MKRN2OS: variants seen among roughly 807,000 people sequenced by gnomAD.
The protein encoded by MKRN2OS is MKRN2 opposite strand protein.
In MKRN2OS, 17 loss-of-function variants were observed where a neutral mutation model predicts 18.2. That is an observed-to-expected ratio of 0.93 (90% CI 0.64 to 1.40). MKRN2OS has a LOEUF of 1.40. Among genes scored for constraint, MKRN2OS ranks in the 40% most tolerant of loss-of-function variants. The pLI is 0.00. For missense variants in MKRN2OS, 337 were observed against 283.0 expected (o/e 1.19, Z -1.37); for synonymous variants, 121 against 108.5 (o/e 1.12, Z -0.72).
Position 12,545,428 on chromosome 3 carries a change from A to G in MKRN2OS, c.37T>C (p.Phe13Leu). ...TAGATGTATTTCTCACAGTGGTTGAATTTAATTAAAGCCTTCCCAGCCTCT... is the reference window on the plus strand; with the variant it reads ...TAGATGTATTTCTCACAGTGGTTGAGTTTAATTAAAGCCTTCCCAGCCTCT... The part of the protein sequence containing the change: ...CAEAGKALIK[F>L]NHCEKYIYSF... Residue 13 changes from phenylalanine (F) to leucine (L), a missense_variant, in exon 1 of 4, where the codon TTC becomes CTC. Transcript: ENST00000564146. The G allele has an allele frequency of 6.5e-7, 1 of 1,534,922 alleles. No individual in the cohort carries two copies. Among genetic ancestry groups the G allele is most frequent in the Non-Finnish European group, 8.7e-7 (1 of 1,146,488 alleles).
downstream of MKRN2OS, chr3:12,553,688 A>G (rs984938553): frequency 6.6e-6 from 1 of 152,216 alleles, no homozygotes; most frequent in Admixed American, 6.5e-5. Context: ...TAAGGCAAGG[A>G]AAAGAAATAA....
chr3:12,543,148 AG>A (rs1559380616), intron 2 of MKRN2OS, 31 bp downstream of exon 2: 7 of 1,514,940 alleles, frequency 4.6e-6, no homozygotes, highest in Admixed American at 2.0e-5. Context: ...GCTGGGTAGT[AG>A]GGGTTTTTTA....
At chr3:12,550,026 A>G (rs1289257825), upstream of MKRN2OS, among the ~76,000 whole-genome samples, 1 of 152,196 alleles carries the variant, frequency 6.6e-6, no homozygotes, top group Admixed American at 6.5e-5. Flanking sequence ...TTTGGAAAAT[A>G]GTCTGCCAGT....
At position 12,542,030 on chromosome 3, in the gene MKRN2OS, T is replaced by G; in HGVS notation, c.269-8A>C. On this transcript the variant is annotated splice_region_variant and splice_polypyrimidine_tract_variant and intron_variant, in intron 2 of 3. Coordinates refer to ENST00000564146, the MANE Select transcript of MKRN2OS (RefSeq NM_001195279.2). ...TGTAATTATACACAACCCCTGCAAATCAAAACCAAAGTCATGTGGAGCCCC... is the reference window on the plus strand; with the variant it reads ...TGTAATTATACACAACCCCTGCAAAGCAAAACCAAAGTCATGTGGAGCCCC... 1 of 1,530,500 alleles carries G rather than the reference T, an allele frequency of 6.5e-7. No homozygotes were observed. The highest frequency in any genetic ancestry group is 8.7e-7 in the Non-Finnish European group (1 of 1,143,110). 94.8% of individuals were successfully genotyped at this position (1,530,500 alleles called of 1,614,324 possible).
downstream of MKRN2OS, among the ~76,000 whole-genome samples, chr3:12,553,586 A>C (rs2057944662): frequency 6.6e-6 from 1 of 152,088 alleles, no homozygotes; most frequent in Non-Finnish European, 1.5e-5. Context: ...TAAAATATTA[A>C]ATATTTTTAT....
In MKRN2OS at chr3:12,543,172, G is replaced by A. The variant is rs1330114831; in HGVS notation, c.268+8C>T. 2.0e-6 allele frequency: 3 copies of A among 1,534,566 alleles called. No homozygotes were observed. The East Asian group carries it at 7.3e-5, about 38-fold the overall frequency. On this transcript the variant is annotated splice_region_variant and intron_variant, in intron 2 of 3. Transcript: ENST00000564146. Reference sequence around the variant, plus strand: ...TAGGGGTTTTTTAAGCTACAAAACTGCACTTACCATTTGTGTTAGTTATTC... The same window carrying A: ...TAGGGGTTTTTTAAGCTACAAAACTACACTTACCATTTGTGTTAGTTATTC...
upstream of MKRN2OS, among the ~76,000 whole-genome samples, chr3:12,547,891 A>G (rs943832024): frequency 1.3e-5 from 2 of 152,244 alleles, no homozygotes; most frequent in Non-Finnish European, 2.9e-5. Context: ...TCAGACTCAC[A>G]GAACTAGAAA....
chr3:12,540,573 C>T (rs767247626), intron 3 of MKRN2OS, 140 bp from the exon 4 acceptor site: 70 of 1,000,864 alleles, frequency 7.0e-5, no homozygotes, highest in Non-Finnish European at 9.9e-5. Context: ...GGTTAAGAAG[C>T]TTCAAGATGT....
At chr3:12,557,046 C>A in intron 1 of MKRN2OS, 1 of 1,233,280 alleles carries the variant, frequency 8.1e-7, no homozygotes, top group Non-Finnish European at 1.0e-6. Flanking sequence ...CCGGCGTGCG[C>A]CGGCGTGACG....
At chr3:12,556,962 G>A (rs2057976972) in intron 1 of MKRN2OS, 2 of 519,002 alleles carry the variant, frequency 3.9e-6, no homozygotes, top group South Asian at 7.1e-5. Context: ...GATCCCCGGT[G>A]CGGAACCAAT....
At chr3:12,549,835 C>T (rs554692417), upstream of MKRN2OS, among the ~76,000 whole-genome samples, 27 of 152,270 alleles carry the variant, frequency 1.8e-4, no homozygotes, top group South Asian at 5.6e-3. Context: ...TTATAGGTAG[C>T]GCCCTGTAAT....
chr3:12,558,113 G>A (rs1396651658), intron 1 of MKRN2OS, among the ~76,000 whole-genome samples: 1 of 152,190 alleles, frequency 6.6e-6, no homozygotes, highest in Non-Finnish European at 1.5e-5. Flanking sequence ...AACAGTTATA[G>A]AGTTTGTGTA....
chr3:12,543,104 A>G (rs554945435), intron 2 of MKRN2OS, 76 bp downstream of exon 2: 39 of 1,223,346 alleles, frequency 3.2e-5, no homozygotes, highest in South Asian at 2.8e-4. Flanking sequence ...AGATGTTGCC[A>G]TAATCAAATC....
rs546641157 is a variant in MKRN2OS at position 12,557,026 on chromosome 3, GCGGCGTGCGC to G, written n.265-2902_265-2893del. The G allele has an allele frequency of 1.1e-3, 1,123 of 1,043,594 alleles. 11 individuals are homozygous for G. The highest frequency in any genetic ancestry group is 1.1e-3 in the Non-Finnish European group (912 of 804,236). The allele number at this position is 1,043,594 out of a possible 1,614,324, so 64.6% of individuals were successfully genotyped here. ...GCTACAAAGGTGCCACACCGGAGGG[GCGGCGTGCGC>G]CGGCGTGCGCCGGCGTGACGCGGCT... On this transcript the variant is annotated intron_variant and non_coding_transcript_variant, in intron 1 of 1. Transcript: ENST00000447550.
chr3:12,540,947 A>G (rs1278285981), intron 3 of MKRN2OS, among the ~76,000 whole-genome samples: 2 of 150,366 alleles, frequency 1.3e-5, no homozygotes, highest in East Asian at 3.9e-4. Flanking sequence ...TGCTTGCTGC[A>G]GATTGGCATA....
upstream of MKRN2OS, among the ~76,000 whole-genome samples, chr3:12,548,304 C>T (rs147465874): frequency 3.3e-5 from 5 of 152,036 alleles, no homozygotes; most frequent in African/African-American, 4.8e-5. Context: ...AAAAATTAGC[C>T]GGGCACGGTG....
At chr3:12,558,860 C>T (rs1008664860) in intron 1 of MKRN2OS, among the ~76,000 whole-genome samples, 16 of 152,088 alleles carry the variant, frequency 1.1e-4, no homozygotes, top group African/African-American at 3.1e-4. Context: ...CAATGTGCTG[C>T]GGCTCTTAGG....
chr3:12,543,832 CAGTG>C (rs1478727254), intron 1 of MKRN2OS, among the ~76,000 whole-genome samples: 2 of 150,326 alleles, frequency 1.3e-5, no homozygotes, highest in Non-Finnish European at 3.0e-5. Context: ...GCGGAGGTGG[CAGTG>C]AGCCGAGATT....
chr3:12,557,218 G>A (rs1277630062), intron 1 of MKRN2OS: 10 of 1,526,582 alleles, frequency 6.6e-6, no homozygotes, highest in Non-Finnish European at 8.8e-6. Context: ...GCTCCCCCAG[G>A]CCGCAGGGGG....
Sources: gnomAD v4.1 joint callset for allele counts (sites outside exome capture counted in the v4.1 genomes callset) on GRCh38, gnomAD v4.1.1 for gene constraint, MANE v1.5 for transcripts, NCBI Gene and HGNC (gene_info 2026-07-23, HGNC 2026-07-21) for gene names.